AOAH: variants seen among roughly 807,000 people sequenced by gnomAD.
AOAH encodes acyloxyacyl hydrolase.
AOAH carries 64 observed loss-of-function variants against 92.2 expected under a neutral mutation model. That is an observed-to-expected ratio of 0.69 (90% CI 0.57 to 0.86). The LOEUF is 0.86. Among genes scored for constraint, AOAH ranks in the 40% least tolerant of loss-of-function variants. AOAH has a pLI of 0.00. For missense variants in AOAH, 656 were observed against 694.6 expected, an observed-to-expected ratio of 0.94 and a Z score of 0.62; for synonymous variants, 263 against 254.5, an observed-to-expected ratio of 1.03 and a Z score of -0.32.
At chr7:36,665,881 G>A (rs1322060921) in intron 3 of AOAH, among the ~76,000 whole-genome samples, 1 of 151,982 alleles carries the variant, frequency 6.6e-6, no homozygotes, top group Non-Finnish European at 1.5e-5. Flanking sequence ...AACCAGTCTT[G>A]TATATTTAGG....
intron 13 of AOAH, among the ~76,000 whole-genome samples, chr7:36,559,074 C>T (rs1427023258): frequency 3.3e-5 from 5 of 152,260 alleles, no homozygotes; most frequent in Non-Finnish European, 1.5e-5. Flanking sequence ...GTGTCACTCA[C>T]GCTGGCAGCT....
chr7:36,610,659 A>T (rs1450212916), intron 11 of AOAH, among the ~76,000 whole-genome samples: 1 of 152,210 alleles, frequency 6.6e-6, no homozygotes. Context: ...TCATATATTT[A>T]ACATATATAA....
intron 4 of AOAH, among the ~76,000 whole-genome samples, chr7:36,644,439 G>A (rs1181949406): frequency 6.6e-6 from 1 of 152,118 alleles, no homozygotes; most frequent in Admixed American, 6.5e-5. Context: ...CGCTTTGTGG[G>A]AATAAATATT....
intron 20 of AOAH, among the ~76,000 whole-genome samples, chr7:36,521,197 C>G (rs1784090462): frequency 6.6e-6 from 1 of 152,142 alleles, no homozygotes. Context: ...CCTTTGGTAG[C>G]CACACCATGC....
At chr7:36,621,665 T>C (rs1792287561) in intron 8 of AOAH, 45 bp downstream of exon 8, 2 of 1,584,836 alleles carry the variant, frequency 1.3e-6, no homozygotes, top group African/African-American at 1.3e-5. Context: ...CTGCTTCCTT[T>C]TCTGAAGATA....
intron 12 of AOAH, among the ~76,000 whole-genome samples, chr7:36,588,659 C>T (rs1471580435): frequency 1.3e-5 from 2 of 152,116 alleles, no homozygotes; most frequent in African/African-American, 4.8e-5. Flanking sequence ...CTTTACTGCC[C>T]CAAGTGACTT....
At chr7:36,585,247 A>G (rs1026680621) in intron 12 of AOAH, among the ~76,000 whole-genome samples, 5 of 152,094 alleles carry the variant, frequency 3.3e-5, no homozygotes, top group Non-Finnish European at 7.4e-5. Flanking sequence ...GGACAAAGAC[A>G]ACGGGCGATG....
intron 1 of AOAH, among the ~76,000 whole-genome samples, chr7:36,716,838 G>A (rs10238016): frequency 0.6 from 90,729 of 151,520 alleles, 27,383 homozygotes; most frequent in East Asian, 0.77. Context: ...TGGAGGGAGC[G>A]GGGAGGGATA....
intron 1 of AOAH, among the ~76,000 whole-genome samples, chr7:36,708,797 C>G (rs1235025433): frequency 1.3e-5 from 2 of 152,146 alleles, no homozygotes; most frequent in Admixed American, 6.6e-5. Context: ...GCCTGGCTTT[C>G]TAAGGATCAC....
At chr7:36,555,101 G>T (rs1195671942) in intron 13 of AOAH, among the ~76,000 whole-genome samples, 1 of 148,228 alleles carries the variant, frequency 6.7e-6, no homozygotes, top group Non-Finnish European at 1.5e-5. Context: ...TGCCCATTCA[G>T]TATGATATTG....
intron 11 of AOAH, among the ~76,000 whole-genome samples, chr7:36,609,405 T>G (rs1791257119): frequency 6.6e-6 from 1 of 152,166 alleles, no homozygotes; most frequent in South Asian, 2.1e-4. Flanking sequence ...TGGCTCCTGC[T>G]TGCCTTCAGG....
At chr7:36,677,686 A>C (rs559662297) in intron 2 of AOAH, among the ~76,000 whole-genome samples, 1 of 152,374 alleles carries the variant, frequency 6.6e-6, no homozygotes, top group Admixed American at 6.5e-5. Context: ...CATAATAGCC[A>C]AGAAATGTAA....
intron 13 of AOAH, among the ~76,000 whole-genome samples, chr7:36,558,996 C>T (rs1446644736): frequency 6.6e-6 from 1 of 152,272 alleles, no homozygotes; most frequent in African/African-American, 2.4e-5. Context: ...CCTGCACCCA[C>T]TGTCTGGCAC....
intron 3 of AOAH, 100 bp from the exon 4 acceptor site, chr7:36,659,365 A>G: frequency 2.1e-6 from 2 of 972,092 alleles, no homozygotes; most frequent in South Asian, 2.7e-5. Context: ...ATGGATTCTA[A>G]TACCCTCAAC....
At chr7:36,681,504 G>T (rs1796641704) in intron 2 of AOAH, among the ~76,000 whole-genome samples, 1 of 152,106 alleles carries the variant, frequency 6.6e-6, no homozygotes, top group South Asian at 2.1e-4. Flanking sequence ...GGAGGCAGCA[G>T]AATTTTGAAA....
At chr7:36,655,701 G>A (rs769241210) in intron 4 of AOAH, among the ~76,000 whole-genome samples, 13 of 152,288 alleles carry the variant, frequency 8.5e-5, no homozygotes, top group Admixed American at 2.0e-4. Flanking sequence ...ATTTCCATCA[G>A]GGATGCAAAT....
intron 12 of AOAH, among the ~76,000 whole-genome samples, chr7:36,591,387 C>T (rs762455760): frequency 1.8e-4 from 27 of 152,118 alleles, no homozygotes; most frequent in Non-Finnish European, 2.5e-4. Flanking sequence ...AATAGAGAAC[C>T]GAATATAAAA....
intron 11 of AOAH, among the ~76,000 whole-genome samples, chr7:36,607,198 G>T (rs1176291828): frequency 2.0e-5 from 3 of 152,190 alleles, no homozygotes; most frequent in African/African-American, 7.2e-5. Flanking sequence ...ACGCACAGAT[G>T]TGTTTTCTGC....
chr7:36,638,272 G>C (rs147629311), intron 4 of AOAH, among the ~76,000 whole-genome samples: 2 of 152,146 alleles, frequency 1.3e-5, no homozygotes, highest in Non-Finnish European at 2.9e-5. Context: ...CTTCTGCTAC[G>C]CTGATCTCCA....
Sources: gnomAD v4.1 joint callset for allele counts (sites outside exome capture counted in the v4.1 genomes callset) on GRCh38, gnomAD v4.1.1 for gene constraint, MANE v1.5 for transcripts, NCBI Gene and HGNC (gene_info 2026-07-23, HGNC 2026-07-21) for gene names.